The following NPEPPS variants were observed in gnomAD, a reference collection of about 807,000 sequenced individuals.
The protein encoded by NPEPPS is aminopeptidase puromycin sensitive, also known as puromycin-sensitive aminopeptidase.
NPEPPS carries 14 observed loss-of-function variants against 115.5 expected under a neutral mutation model. The ratio of observed to expected loss-of-function variants is 0.12; its 90% CI spans 0.08 to 0.19. The LOEUF (loss-of-function observed/expected upper bound fraction) is 0.19, where lower values mean the gene tolerates loss of function less well. Ranked by LOEUF, NPEPPS falls within the 10% of genes least tolerant of loss-of-function variation. NPEPPS has a pLI of 1.00. For synonymous variants in NPEPPS, 285 were observed against 390.6 expected (o/e 0.73, Z 3.19); for missense variants, 523 against 1,110.8 (o/e 0.47, Z 7.52).
At chr17:47,571,713 G>A (rs765783670) in intron 3 of NPEPPS, among the ~76,000 whole-genome samples, 4 of 152,002 alleles carry the variant, frequency 2.6e-5, no homozygotes, top group East Asian at 1.9e-4. Flanking sequence ...GTGAGACTCC[G>A]TCCCAAAAAA....
At chr17:47,592,666 C>A in intron 12 of NPEPPS, 121 bp downstream of exon 12, 1 of 896,212 alleles carries the variant, frequency 1.1e-6, no homozygotes, top group Non-Finnish European at 1.7e-6. Flanking sequence ...ATAAATTAGC[C>A]TTATTTGAAG....
chr17:47,582,020 T>A (rs1439531908), intron 4 of NPEPPS: 1 of 152,204 alleles, frequency 6.6e-6, no homozygotes, highest in Non-Finnish European at 1.5e-5. Context: ...TAATACAGAA[T>A]CTTGTCATTG....
At chr17:47,529,124 A>G (rs1907552529), upstream of NPEPPS, among the ~76,000 whole-genome samples, 1 of 152,210 alleles carries the variant, frequency 6.6e-6, no homozygotes, top group African/African-American at 2.4e-5. Context: ...AACATACTAC[A>G]TTCAGTTTTG....
At chr17:47,564,657 T>C (rs1475991640) in intron 2 of NPEPPS, among the ~76,000 whole-genome samples, 1 of 148,312 alleles carries the variant, frequency 6.7e-6, no homozygotes, top group Non-Finnish European at 1.5e-5. Context: ...TACTATAATA[T>C]ATAAATATAC....
Position 47,592,515 on chromosome 17 carries a change from A to T in NPEPPS, c.1396A>T (p.Thr466Ser). The change falls in exon 12 of 23, where the codon ACC becomes TCC. Residue 466 changes from threonine (T) to serine (S), a missense_variant. Around this residue, in one of 4 missense-constraint regions of NPEPPS, gnomAD observed 7 missense variants for 24.2 expected, o/e 0.29. Transcript: ENST00000322157. ...TAAGAAAGGAATGAACATGTATTTA[A>T]CCAAGTTCCAACAAAAGAATGCTGC... ...DFKKGMNMYLTKFQQKNAATE... is the reference protein window; with the variant it reads ...DFKKGMNMYLSKFQQKNAATE... 1 of 1,594,226 alleles carries T rather than the reference A, an allele frequency of 6.3e-7. No individual in the cohort carries two copies.
At chr17:47,549,680 TG>T in intron 2 of NPEPPS, among the ~76,000 whole-genome samples, 1 of 146,226 alleles carries the variant, frequency 6.8e-6, no homozygotes, top group East Asian at 2.1e-4. Flanking sequence ...CTTGGGAGGC[TG>T]AAGGCAGGAG....
intron 1 of NPEPPS, among the ~76,000 whole-genome samples, chr17:47,533,259 A>G (rs1439677146): frequency 6.6e-6 from 1 of 152,116 alleles, no homozygotes; most frequent in Non-Finnish European, 1.5e-5. Context: ...ACTTAGTGAA[A>G]ATCAGGTGAT....
intron 3 of NPEPPS, among the ~76,000 whole-genome samples, chr17:47,575,317 C>T (rs1396791230): frequency 2.0e-5 from 3 of 151,926 alleles, no homozygotes; most frequent in Non-Finnish European, 4.4e-5. Context: ...CTTCTTTTCC[C>T]CTTAACTGTA....
intron 2 of NPEPPS, among the ~76,000 whole-genome samples, chr17:47,556,006 A>G (rs1423210944): frequency 7.1e-6 from 1 of 141,572 alleles, no homozygotes; most frequent in African/African-American, 2.6e-5. Context: ...TTTTTTTTGA[A>G]ATAGAGTCTT....
chr17:47,574,822 C>A (rs1287315058), intron 3 of NPEPPS, among the ~76,000 whole-genome samples: 1 of 151,990 alleles, frequency 6.6e-6, no homozygotes, highest in African/African-American at 2.4e-5. Context: ...AAATGCCTGG[C>A]CTCAGGTGAT....
intron 1 of NPEPPS, among the ~76,000 whole-genome samples, chr17:47,539,100 CT>C (rs551077364): frequency 3.4e-3 from 462 of 135,414 alleles, no homozygotes; most frequent in African/African-American, 6.4e-3. Flanking sequence ...TCATCTAGGC[CT>C]TTTTTTTTTT....
At chr17:47,569,675 T>A (rs553457855) in intron 3 of NPEPPS, among the ~76,000 whole-genome samples, 181 bp downstream of exon 3, 1 of 151,574 alleles carries the variant, frequency 6.6e-6, no homozygotes, top group South Asian at 2.1e-4. Context: ...TGGAGAGTAG[T>A]GGCATGATCT....
intron 12 of NPEPPS, among the ~76,000 whole-genome samples, chr17:47,594,799 A>C (rs568981821): frequency 1.9e-3 from 287 of 151,328 alleles, no homozygotes; most frequent in African/African-American, 6.7e-3. Flanking sequence ...CGCCCGGCTA[A>C]TTTTTTGTAT....
intron 13 of NPEPPS, among the ~76,000 whole-genome samples, chr17:47,597,322 C>T (rs1319110067): frequency 6.6e-6 from 1 of 152,174 alleles, no homozygotes; most frequent in African/African-American, 2.4e-5. Flanking sequence ...AATTACACAA[C>T]ATCCTTTAAT....
chr17:47,536,894 G>A (rs1044982305), intron 1 of NPEPPS, among the ~76,000 whole-genome samples: 18 of 151,550 alleles, frequency 1.2e-4, no homozygotes, highest in Non-Finnish European at 2.2e-4. Context: ...TGTATTTTTA[G>A]TAGAGAGATG....
In NPEPPS at chr17:47,623,161, T is replaced by C; in HGVS notation, c.*1241T>C. On this transcript the variant is annotated 3_prime_UTR_variant, in exon 23 of 23. Coordinates refer to ENST00000322157, the MANE Select transcript of NPEPPS (RefSeq NM_006310.4). ...ATTCATATTTGGTGTGGCTTAACGG[T>C]ATTTCAGAAGGTCATCAGATTGTGA... The C allele has an allele frequency of 4.6e-6, 1 of 219,760 alleles. No homozygotes were observed. Among genetic ancestry groups the C allele is most frequent in the Non-Finnish European group, 9.2e-6 (1 of 108,752 alleles). 13.6% of individuals were successfully genotyped at this position (219,760 alleles called of 1,614,324 possible).
intron 14 of NPEPPS, 105 bp downstream of exon 14, chr17:47,599,844 G>C: frequency 1.1e-6 from 1 of 885,358 alleles, no homozygotes; most frequent in Non-Finnish European, 1.8e-6. Flanking sequence ...TTTTTGAGGA[G>C]TCTCACTCTG....
At chr17:47,533,123 TAAAA>T (rs538398882) in intron 1 of NPEPPS, among the ~76,000 whole-genome samples, 489 of 152,254 alleles carry the variant, frequency 3.2e-3, no homozygotes, top group African/African-American at 0.011. Context: ...AAAATATGTC[TAAAA>T]GTACAGAATT....
rs780489427 is a variant in NPEPPS at position 47,605,462 on chromosome 17, A to G, written c.2005A>G (p.Thr669Ala). The G allele has an allele frequency of 9.9e-6, 16 of 1,608,524 alleles. No individual in the cohort carries two copies. In the East Asian group the frequency reaches 3.1e-4, roughly 31 times the overall value. Residue 669 changes from threonine (T) to alanine (A), a missense_variant, in exon 17 of 23, where the codon ACA becomes GCA. By Grantham distance (58) the Thr-to-Ala change is moderately conservative. Coordinates refer to ENST00000322157, the MANE Select transcript of NPEPPS (RefSeq NM_006310.4). ...GATTCTCTCAACTCTCTTGTCCCAC[A>G]CAGACTTCTATGAGGAAATCCAGGA... is the stretch of plus-strand genomic sequence containing the variant. ...LGILSTLLSH[T>A]DFYEEIQEFV...
Sources: allele counts gnomAD v4.1 joint callset (sites outside exome capture counted in the v4.1 genomes callset), GRCh38; gene constraint gnomAD v4.1.1; regional missense constraint gnomAD v4.1.1; transcripts MANE v1.5; gene names NCBI Gene and HGNC (gene_info 2026-07-23, HGNC 2026-07-21).